HIP1: variants seen among roughly 807,000 people sequenced by gnomAD.
HIP1 encodes huntingtin-interacting protein 1.
Under a neutral mutation model 147.6 loss-of-function variants are expected in HIP1, and 65 were observed. That is an observed-to-expected ratio of 0.44 (90% CI 0.36 to 0.54). The LOEUF (loss-of-function observed/expected upper bound fraction) is 0.54, where lower values mean the gene tolerates loss of function less well. Among genes scored for constraint, HIP1 ranks in the 20% least tolerant of loss-of-function variants. The probability of loss-of-function intolerance (pLI) is 0.00; values close to 1 mark genes in which losing one functional copy is unlikely to be tolerated. For missense variants in HIP1, 1,061 were observed against 1,299.6 expected, an observed-to-expected ratio of 0.82 and a Z score of 2.82; for synonymous variants, 479 against 504.0, an observed-to-expected ratio of 0.95 and a Z score of 0.67.
chr7:75,633,086 G>A (rs1798287682), intron 1 of HIP1, among the ~76,000 whole-genome samples: 1 of 152,008 alleles, frequency 6.6e-6, no homozygotes, highest in Admixed American at 6.6e-5. Flanking sequence ...GATCTGTGCA[G>A]CAAACCAGCA....
At chr7:75,579,001 A>G (rs1485361639) in intron 7 of HIP1, among the ~76,000 whole-genome samples, 3 of 151,778 alleles carry the variant, frequency 2.0e-5, no homozygotes, top group Non-Finnish European at 4.4e-5. Flanking sequence ...TGTATTTTCA[A>G]TAGAGATGGC....
At chr7:75,638,722 C>T (rs373020791) in intron 1 of HIP1, among the ~76,000 whole-genome samples, 71 of 152,312 alleles carry the variant, frequency 4.7e-4, no homozygotes, top group African/African-American at 1.6e-3. Context: ...GTACAAGCCC[C>T]TTCCGGCGGC....
In HIP1 at chr7:75,548,994, A is replaced by T. The variant is rs781850036; in HGVS notation, c.2303T>A (p.Leu768Gln). The change falls in exon 23 of 31, where the codon CTG becomes CAG. Residue 768 changes from leucine to glutamine, a missense_variant. Transcript: ENST00000336926. The stretch of plus-strand genomic sequence containing the variant: ...CTGCTTGATGTCCAGTCCCCTGGGC[A>T]GGAGCTCCTGTGAACACATCACAAA... ...SKIKAIGEELLPRGLDIKQEE... is the reference protein window; with the variant it reads ...SKIKAIGEELQPRGLDIKQEE... 6.2e-7 allele frequency: 1 copy of T among 1,612,378 alleles called. No homozygotes were observed. Among genetic ancestry groups the T allele is most frequent in the Non-Finnish European group, 8.5e-7 (1 of 1,178,448 alleles).
chr7:75,641,206 T>C (rs577966706), intron 1 of HIP1, among the ~76,000 whole-genome samples: 5 of 151,972 alleles, frequency 3.3e-5, no homozygotes. Context: ...CTCGATAGGG[T>C]GAGGCAGGAG....
At chr7:75,595,247 T>TTCCTTCCTTCCTTCCTTC (rs1563230320) in intron 2 of HIP1, among the ~76,000 whole-genome samples, 9 of 82,946 alleles carry the variant, frequency 1.1e-4, no homozygotes, top group South Asian at 4.2e-4. Flanking sequence ...TTTCTTTCTT[T>TTCCTTCCTTCCTTCCTTC]CTTTCTTCCT....
rs587724595 is a variant in HIP1, at chr7:75,632,045, C to A, written c.121-32798G>T. Among the ~76,000 whole-genome samples, 21 of 152,264 alleles carry A rather than the reference C, an allele frequency of 1.4e-4. No homozygotes were observed. The East Asian group carries it at 3.7e-3, about 27-fold the overall frequency. On this transcript the variant is annotated intron_variant, in intron 1 of 30. Transcript: ENST00000336926. ...CCAGAAGTGCAACTCGGAGGGGCCT[C>A]CGAAGACAGGTGCTCGTAGGACACT... is the stretch of plus-strand genomic sequence containing the variant.
At chr7:75,668,249 C>T (rs1242142768) in intron 1 of HIP1, among the ~76,000 whole-genome samples, 3 of 152,186 alleles carry the variant, frequency 2.0e-5, no homozygotes, top group Non-Finnish European at 2.9e-5. Flanking sequence ...TGGCGAGGGT[C>T]GGGGAGTGTC....
intron 1 of HIP1, among the ~76,000 whole-genome samples, chr7:75,659,100 C>G (rs1337260855): frequency 6.6e-6 from 1 of 152,310 alleles, no homozygotes; most frequent in African/African-American, 2.4e-5. Flanking sequence ...CATTTTGTCT[C>G]GTCCTACTTC....
Position 75,538,057 on chromosome 7 carries a change from T to A in HIP1, c.*115A>T. On this transcript the variant is annotated 3_prime_UTR_variant, in exon 31 of 31. Transcript: ENST00000336926. ...CATGCATGTCCTCGGCACTGGGTAATGGCAGTGGTGTGGCTGCCCCTGGGA... is the reference window on the plus strand; with the variant it reads ...CATGCATGTCCTCGGCACTGGGTAAAGGCAGTGGTGTGGCTGCCCCTGGGA... The A allele has an allele frequency of 1.2e-6, 1 of 818,482 alleles. No homozygotes were observed. The highest frequency in any genetic ancestry group is 2.2e-6 in the Non-Finnish European group (1 of 458,096). The allele number at this position is 818,482 out of a possible 1,614,324, so 50.7% of individuals were successfully genotyped here. A position where few individuals can be genotyped will look rare whatever the true frequency, so the allele number is the denominator to read the frequency against.
chr7:75,551,869 C>T (rs1029904534), intron 22 of HIP1, among the ~76,000 whole-genome samples: 2 of 152,096 alleles, frequency 1.3e-5, no homozygotes, highest in Admixed American at 1.3e-4. Flanking sequence ...TCCAATTAGA[C>T]AGTCTATCCT....
At chr7:75,584,064 G>A (rs1405295125) in intron 5 of HIP1, among the ~76,000 whole-genome samples, 3 of 151,524 alleles carry the variant, frequency 2.0e-5, no homozygotes, top group Middle Eastern at 3.4e-3. Flanking sequence ...GGGTTCAAGC[G>A]ATTCTCCTGC....
At chr7:75,716,830 G>GC (rs201699622) in intron 1 of HIP1, among the ~76,000 whole-genome samples, 7,271 of 150,476 alleles carry the variant, frequency 0.048, 528 homozygotes, top group African/African-American at 0.16. Context: ...TTTTTTAGGG[G>GC]GGGGGAAAGG....
intron 1 of HIP1, among the ~76,000 whole-genome samples, chr7:75,691,027 A>G (rs782170579): frequency 1.3e-5 from 2 of 152,200 alleles, no homozygotes; most frequent in Non-Finnish European, 2.9e-5. Flanking sequence ...GGATCGGCAG[A>G]TGAAATGGAT....
rs1795499838 is a variant in HIP1, at chr7:75,568,634, A to T, written c.746-378T>A. 6.6e-6 allele frequency among the ~76,000 whole-genome samples: 1 copy of T among 152,154 alleles called. No homozygotes were observed. Among genetic ancestry groups the T allele is most frequent in the Non-Finnish European group, 1.5e-5 (1 of 68,032 alleles). ...CTCAGCTATTGCCTGCATTTGTTTT[A>T]GGTTGAGGCTCAGGGCTGATATTAG... On this transcript the variant is annotated intron_variant, in intron 8 of 30. Transcript: ENST00000336926. This position sits in a 1 kb window ranked among gnomAD's most constrained non-coding sequence, Gnocchi z 4.1.
Position 75,617,073 on chromosome 7 carries a change from A to ATT in HIP1, c.121-17828_121-17827dup, listed in dbSNP as rs71519374. Among the ~76,000 whole-genome samples the ATT allele has an allele frequency of 3.7e-3, 452 of 123,512 alleles. 6 individuals are homozygous for ATT. Among genetic ancestry groups the ATT allele is most frequent in the South Asian group, 0.035 (132 of 3,770 alleles). The allele number at this position is 123,512 out of a possible 152,430, so 81.0% of individuals were successfully genotyped here. On this transcript the variant is annotated intron_variant, in intron 1 of 30. Coordinates refer to ENST00000336926, the MANE Select transcript of HIP1 (RefSeq NM_005338.7). ...AGGTGCATGCCACCACACCCAGCTAATTTTTTTTTTTTTTTTTTTTGAGAT... is the reference window on the plus strand; with the variant it reads ...AGGTGCATGCCACCACACCCAGCTAATTTTTTTTTTTTTTTTTTTTTTGAGAT...
intron 1 of HIP1, among the ~76,000 whole-genome samples, chr7:75,657,641 C>A (rs782507136): frequency 6.6e-6 from 1 of 151,246 alleles, no homozygotes; most frequent in East Asian, 1.9e-4. Context: ...AGAAAAGAAA[C>A]AGAAAACCAA....
intron 1 of HIP1, among the ~76,000 whole-genome samples, chr7:75,643,104 C>A (rs369708787): frequency 6.6e-6 from 1 of 152,264 alleles, no homozygotes; most frequent in African/African-American, 2.4e-5. Context: ...GCAGCCTAGC[C>A]CTAAAGACCA....
At chr7:75,591,986 G>A in intron 4 of HIP1, 70 bp downstream of exon 4, 1 of 1,219,248 alleles carries the variant, frequency 8.2e-7, no homozygotes, top group Non-Finnish European at 1.2e-6. Context: ...TCACCCTCCA[G>A]TCCTTGCTCT....
intron 1 of HIP1, among the ~76,000 whole-genome samples, chr7:75,622,020 A>G (rs1797860352): frequency 6.6e-6 from 1 of 152,116 alleles, no homozygotes; most frequent in African/African-American, 2.4e-5. Context: ...GTGGTGGCTC[A>G]CACCTGTAAT....
Sources: gnomAD v4.1 joint callset for allele counts (sites outside exome capture counted in the v4.1 genomes callset) on GRCh38, gnomAD v4.1.1 for gene constraint, Gnocchi (gnomAD v3.1) non-coding constraint, MANE v1.5 for transcripts, NCBI Gene and HGNC (gene_info 2026-07-23, HGNC 2026-07-21) for gene names.